The following LPAR1 variants were observed in gnomAD, a reference collection of about 807,000 sequenced individuals.
The protein encoded by LPAR1 is LPA receptor 1.
A neutral mutation model predicts 23.8 loss-of-function variants in LPAR1; 5 were observed. The observed-to-expected ratio is 0.21, with a 90% CI of 0.11 to 0.44. LPAR1 has a LOEUF of 0.44. Ranked by LOEUF, LPAR1 falls within the 20% of genes least tolerant of loss-of-function variation. LPAR1 has a pLI of 0.99. For synonymous variants in LPAR1, 160 were observed against 164.7 expected, an observed-to-expected ratio of 0.97 and a Z score of 0.22; for missense variants, 311 against 482.8, an observed-to-expected ratio of 0.64 and a Z score of 3.33.
chr9:110,923,945 G>A lies in LPAR1; in HGVS notation c.793+17476C>T, dbSNP rs531447156. The stretch of plus-strand genomic sequence containing the variant: ...AAAGGAGTACATATATTTTTATGTG[G>A]CCACATACATTCCTATTTTTGTTTA... On this transcript the variant is annotated intron_variant, in intron 5 of 5. Transcript: ENST00000683809. 2.6e-5 allele frequency among the ~76,000 whole-genome samples: 4 copies of A among 152,110 alleles called. No homozygotes were observed. In the East Asian group the frequency reaches 7.7e-4, roughly 29 times the overall value.
chr9:110,970,211 C>A (rs191703291), intron 4 of LPAR1, among the ~76,000 whole-genome samples: 1 of 152,124 alleles, frequency 6.6e-6, no homozygotes, highest in Non-Finnish European at 1.5e-5. Context: ...CAGCAGCAAA[C>A]CGGGATGTGG....
chr9:110,989,808 G>A (rs570328135), intron 2 of LPAR1, among the ~76,000 whole-genome samples: 268 of 152,142 alleles, frequency 1.8e-3, no homozygotes, highest in African/African-American at 6.4e-3. Flanking sequence ...TAGATTATGA[G>A]ACTGGATAAA....
chr9:110,884,384 G>A (rs1449612283), intron 5 of LPAR1, among the ~76,000 whole-genome samples: 2 of 151,472 alleles, frequency 1.3e-5, no homozygotes, highest in Non-Finnish European at 3.0e-5. Flanking sequence ...AACACTCCAT[G>A]GTAGAAGTTA....
chr9:110,901,555 T>G (rs535398633), intron 5 of LPAR1, among the ~76,000 whole-genome samples: 14 of 152,100 alleles, frequency 9.2e-5, no homozygotes, highest in Admixed American at 2.0e-4. Context: ...TGCAGGGGAA[T>G]TGCCCTTTAT....
Position 110,873,502 on chromosome 9 carries a change from A to G in LPAR1, c.*1919T>C, listed in dbSNP as rs1373058729. ...CCCTCTGCTCAAACACTAACCGTGC[A>G]CTGACATCCTCCTTCCTAGACAGCC... is the stretch of plus-strand genomic sequence containing the variant. On this transcript the variant is annotated 3_prime_UTR_variant, in exon 6 of 6. Transcript: ENST00000683809. The G allele has an allele frequency of 6.6e-6, 1 of 152,358 alleles. No individual in the cohort carries two copies. Among genetic ancestry groups the G allele is most frequent in the African/African-American group, 2.4e-5 (1 of 41,428 alleles). The allele number at this position is 152,358 out of a possible 1,614,324, so 9.4% of individuals were successfully genotyped here. A position where few individuals can be genotyped will look rare whatever the true frequency, so the allele number is the denominator to read the frequency against.
At position 110,909,346 on chromosome 9, in the gene LPAR1, A is replaced by G. The variant is rs145516321; in HGVS notation, c.793+32075T>C. Among the ~76,000 whole-genome samples, 230 of 152,250 alleles carry G rather than the reference A, an allele frequency of 1.5e-3. 3 individuals carry two copies. The highest frequency in any genetic ancestry group is 0.014 in the Middle Eastern group (4 of 294). ...ACATGATCCTAGCACCTTCTTGTAC[A>G]GGAGCAGCTCATTTCACTGTGCTCA... On this transcript the variant is annotated intron_variant, in intron 5 of 5. Transcript: ENST00000683809.
intron 2 of LPAR1, among the ~76,000 whole-genome samples, chr9:111,015,999 T>C (rs1364651595): frequency 1.3e-5 from 2 of 152,076 alleles, no homozygotes; most frequent in Non-Finnish European, 1.5e-5. Flanking sequence ...GCCCCAGCAC[T>C]TTGGATCTAC....
chr9:110,970,933 C>CA (rs1291461399), intron 4 of LPAR1, among the ~76,000 whole-genome samples: 2 of 152,120 alleles, frequency 1.3e-5, no homozygotes, highest in Non-Finnish European at 2.9e-5. Flanking sequence ...GTCAAGAGTT[C>CA]AAGACCAGCC....
chr9:110,897,669 A>G (rs571417968), intron 5 of LPAR1, among the ~76,000 whole-genome samples: 22 of 152,342 alleles, frequency 1.4e-4, no homozygotes, highest in African/African-American at 4.3e-4. Flanking sequence ...CATCCTTACT[A>G]AGCTCCATCA....
chr9:110,947,377 A>G (rs564591708), intron 4 of LPAR1, among the ~76,000 whole-genome samples: 1 of 152,260 alleles, frequency 6.6e-6, no homozygotes, highest in Non-Finnish European at 1.5e-5. Flanking sequence ...AAAACTGAAA[A>G]GAGAAGTTCA....
intron 5 of LPAR1, among the ~76,000 whole-genome samples, chr9:110,917,491 C>CT (rs2093272727): frequency 6.6e-6 from 1 of 152,186 alleles, no homozygotes; most frequent in Non-Finnish European, 1.5e-5. Flanking sequence ...TGGGCTATAT[C>CT]TTTAAGCCCC....
chr9:110,953,233 C>A (rs1385112754), intron 4 of LPAR1, among the ~76,000 whole-genome samples: 1 of 152,190 alleles, frequency 6.6e-6, no homozygotes, highest in Non-Finnish European at 1.5e-5. Context: ...CTGGTACCAG[C>A]ATACACCAAG....
intron 5 of LPAR1, among the ~76,000 whole-genome samples, chr9:110,928,503 T>A (rs2094190198): frequency 6.6e-6 from 1 of 152,260 alleles, no homozygotes; most frequent in Non-Finnish European, 1.5e-5. Flanking sequence ...ATAGTGTTTT[T>A]AATTAAAACA....
At chr9:111,007,612 A>G (rs1294146384) in intron 2 of LPAR1, among the ~76,000 whole-genome samples, 1 of 152,174 alleles carries the variant, frequency 6.6e-6, no homozygotes, top group East Asian at 1.9e-4. Context: ...TTCTAAATTT[A>G]TAATATTCAG....
At chr9:111,037,035 T>C (rs1035017101) in intron 1 of LPAR1, among the ~76,000 whole-genome samples, 16 of 152,170 alleles carry the variant, frequency 1.1e-4, no homozygotes, top group African/African-American at 3.4e-4. Context: ...AATAACTTCT[T>C]AAAAAACTTC....
chr9:110,905,954 C>T (rs1001583228), intron 5 of LPAR1, among the ~76,000 whole-genome samples: 1 of 152,126 alleles, frequency 6.6e-6, no homozygotes, highest in Non-Finnish European at 1.5e-5. Flanking sequence ...ATAAGAACCA[C>T]ATGAATTTCT....
chr9:110,930,783 C>G (rs1357002788), intron 5 of LPAR1, among the ~76,000 whole-genome samples: 2 of 151,734 alleles, frequency 1.3e-5, no homozygotes, highest in South Asian at 4.2e-4. Context: ...GGCGTGGTGG[C>G]GCGTGCCTAT....
intron 5 of LPAR1, among the ~76,000 whole-genome samples, chr9:110,882,057 G>C (rs1454371991): frequency 6.6e-6 from 1 of 152,042 alleles, no homozygotes; most frequent in East Asian, 1.9e-4. Context: ...ATTAAATGTC[G>C]CTTTCTTAAA....
chr9:110,929,390 A>C (rs78691528), intron 5 of LPAR1, among the ~76,000 whole-genome samples: 1 of 152,348 alleles, frequency 6.6e-6, no homozygotes, highest in African/African-American at 2.4e-5. Context: ...ATTTCATTAA[A>C]ATGCTTTTTT....
Sources: gnomAD v4.1 joint callset for allele counts (sites outside exome capture counted in the v4.1 genomes callset) on GRCh38, gnomAD v4.1.1 for gene constraint, MANE v1.5 for transcripts, NCBI Gene and HGNC (gene_info 2026-07-23, HGNC 2026-07-21) for gene names.